The following BNC2 variants were observed in gnomAD, a reference collection of about 807,000 sequenced individuals.
The protein encoded by BNC2 is basonuclin zinc finger protein 2, also known as zinc finger protein basonuclin-2.
Under a neutral mutation model 76.3 loss-of-function variants are expected in BNC2, and 20 were observed. The ratio of observed to expected loss-of-function variants is 0.26; its 90% confidence interval spans 0.18 to 0.38. The LOEUF (loss-of-function observed/expected upper bound fraction) is 0.38. BNC2 is among the 10% of genes least tolerant of loss of function. The pLI is 1.00. For synonymous variants in BNC2, 582 were observed against 514.8 expected (o/e 1.13, Z -1.77); for missense variants, 1,382 against 1,399.8 (o/e 0.99, Z 0.20).
At chr9:16,477,361 ATG>A (rs1039118391) in intron 5 of BNC2, among the ~76,000 whole-genome samples, 2 of 152,170 alleles carry the variant, frequency 1.3e-5, no homozygotes, top group Non-Finnish European at 2.9e-5. Context: ...CTTGATAACA[ATG>A]TGACAAGGAG....
chr9:16,684,965 G>T (rs759164100), intron 3 of BNC2, among the ~76,000 whole-genome samples: 2 of 151,482 alleles, frequency 1.3e-5, no homozygotes, highest in Non-Finnish European at 2.9e-5. Context: ...ATCTTCCAAC[G>T]CATGAAGACA....
chr9:16,531,310 G>C (rs1024819002), intron 5 of BNC2, among the ~76,000 whole-genome samples: 10 of 151,854 alleles, frequency 6.6e-5, no homozygotes, highest in Admixed American at 5.2e-4. Context: ...CATTCCAAAG[G>C]CTTCTCCTTC....
intron 5 of BNC2, among the ~76,000 whole-genome samples, chr9:16,441,154 A>G (rs1262397323): frequency 6.6e-6 from 1 of 152,144 alleles, no homozygotes; most frequent in Non-Finnish European, 1.5e-5. Context: ...AAATTAAAAA[A>G]CTAGCCAAGT....
intron 3 of BNC2, among the ~76,000 whole-genome samples, chr9:16,694,966 A>T (rs1761534506): frequency 6.6e-6 from 1 of 152,158 alleles, no homozygotes; most frequent in Non-Finnish European, 1.5e-5. Flanking sequence ...GTAAAAAGTG[A>T]ATGTAAACCC....
chr9:16,849,922 C>G (rs1317095004), intron 1 of BNC2, among the ~76,000 whole-genome samples: 1 of 152,084 alleles, frequency 6.6e-6, no homozygotes, highest in Non-Finnish European at 1.5e-5. Flanking sequence ...ATGAATAAGG[C>G]TGTCCCACAA....
intron 3 of BNC2, among the ~76,000 whole-genome samples, chr9:16,658,030 G>C (rs79802950): frequency 1.6e-4 from 24 of 151,984 alleles, no homozygotes; most frequent in African/African-American, 5.8e-4. Flanking sequence ...ATAATAGACC[G>C]GAATTTCGGG....
intron 3 of BNC2, among the ~76,000 whole-genome samples, chr9:16,682,674 T>C (rs969003427): frequency 4.6e-5 from 7 of 152,200 alleles, no homozygotes; most frequent in Non-Finnish European, 1.5e-5. Flanking sequence ...CTGTGGTTTA[T>C]AAAACATCAC....
At chr9:16,588,625 G>T (rs935692649) in intron 3 of BNC2, among the ~76,000 whole-genome samples, 4 of 151,998 alleles carry the variant, frequency 2.6e-5, no homozygotes, top group Admixed American at 6.5e-5. Context: ...ATACAAAGAA[G>T]AATAATTTAG....
chr9:16,495,034 G>A (rs963925633), intron 5 of BNC2, among the ~76,000 whole-genome samples: 3 of 152,128 alleles, frequency 2.0e-5, no homozygotes, highest in Non-Finnish European at 2.9e-5. Flanking sequence ...AGTCAATGAC[G>A]TATCATTAGC....
intron 1 of BNC2, among the ~76,000 whole-genome samples, chr9:16,755,084 C>T (rs1452973079): frequency 6.6e-6 from 1 of 152,066 alleles, no homozygotes; most frequent in East Asian, 1.9e-4. Context: ...ACATTCCAGA[C>T]CAAATAAATA....
intron 1 of BNC2, among the ~76,000 whole-genome samples, chr9:16,764,565 G>A (rs1181115695): frequency 6.6e-6 from 1 of 152,012 alleles, no homozygotes; most frequent in Admixed American, 6.6e-5. Flanking sequence ...TTTTACTTAA[G>A]GCAATTTCAT....
chr9:16,428,842 A>G (rs1374550219), intron 6 of BNC2, among the ~76,000 whole-genome samples: 1 of 152,094 alleles, frequency 6.6e-6, no homozygotes, highest in Non-Finnish European at 1.5e-5. Flanking sequence ...GGAATTTACA[A>G]CTCCTGTTTT....
chr9:16,430,164 G>C (rs77558509), intron 6 of BNC2, among the ~76,000 whole-genome samples: 12,608 of 151,670 alleles, frequency 0.083, 553 homozygotes, highest in Middle Eastern at 0.15. Context: ...TATTGATCTT[G>C]CTCTATTGTG....
intron 4 of BNC2, among the ~76,000 whole-genome samples, chr9:16,554,335 A>G (rs1818756472): frequency 1.3e-5 from 2 of 152,080 alleles, no homozygotes; most frequent in African/African-American, 4.8e-5. Context: ...TGTGGTCACT[A>G]GAGAGTTCAT....
chr9:16,437,417 C>T lies in BNC2; in HGVS notation c.777G>A (p.Glu259=), dbSNP rs1298948975. 1.9e-6 allele frequency: 3 copies of T among 1,611,762 alleles called. No homozygotes were observed. The highest frequency in any genetic ancestry group is 2.5e-6 in the Non-Finnish European group (3 of 1,178,442). ...LRFGETKSIV[E]LMAIQEKEGQ... ...CTTCTTTCTCCTGAATTGCCATCAG[C>T]TCCACAATGGATTTGGTTTCTCCAA... The change falls in exon 6 of 7, where the codon GAG becomes GAA. Residue 259 remains glutamate, a synonymous_variant. Coordinates refer to ENST00000380672, the MANE Select transcript of BNC2 (RefSeq NM_017637.6).
intron 4 of BNC2, 87 bp downstream of exon 4, chr9:16,582,896 C>CACAT: frequency 1.5e-6 from 1 of 687,050 alleles, no homozygotes. Context: ...TAAACAGACA[C>CACAT]ACACACACAC....
intron 6 of BNC2, among the ~76,000 whole-genome samples, chr9:16,425,159 C>T (rs1034977833): frequency 1.3e-5 from 2 of 152,108 alleles, no homozygotes; most frequent in Non-Finnish European, 2.9e-5. Flanking sequence ...GTCATTTCAA[C>T]CCCTTTCAAT....
chr9:16,564,745 G>A (rs546586298), intron 4 of BNC2, among the ~76,000 whole-genome samples: 2 of 152,124 alleles, frequency 1.3e-5, no homozygotes, highest in Admixed American at 1.3e-4. Context: ...TCAAGAAAAA[G>A]GAAAACAAAA....
chr9:16,785,807 CAAA>C (rs35675411), intron 1 of BNC2, among the ~76,000 whole-genome samples: 1 of 136,960 alleles, frequency 7.3e-6, no homozygotes. Flanking sequence ...ATGCTGTCTC[CAAA>C]AAAAAAAAAA....
Sources: allele counts gnomAD v4.1 joint callset (sites outside exome capture counted in the v4.1 genomes callset), GRCh38; gene constraint gnomAD v4.1.1; transcripts MANE v1.5; gene names NCBI Gene and HGNC (gene_info 2026-07-23, HGNC 2026-07-21).